Variants in TMEM132C observed in about 807,000 individuals in gnomAD.
TMEM132C encodes the protein transmembrane protein 132C, also known as protein phosphatase 1, regulatory subunit 152.
TMEM132C carries 29 observed loss-of-function variants against 61.4 expected under a neutral mutation model. The ratio of observed to expected loss-of-function variants is 0.47; its 90% CI spans 0.35 to 0.64. The LOEUF is 0.64. Among genes scored for constraint, TMEM132C ranks in the 30% least tolerant of loss-of-function variants. TMEM132C has a pLI of 0.00. For synonymous variants in TMEM132C, 656 were observed against 633.1 expected, an observed-to-expected ratio of 1.04 and a Z score of -0.54; for missense variants, 1,408 against 1,476.9, an observed-to-expected ratio of 0.95 and a Z score of 0.76.
intron 3 of TMEM132C, among the ~76,000 whole-genome samples, chr12:128,585,417 A>G (rs750538384): frequency 2.5e-4 from 38 of 152,234 alleles, no homozygotes; most frequent in Non-Finnish European, 8.8e-5. Context: ...CCCAAAGGCT[A>G]AGACCCAACC....
chr12:128,330,086 T>G (rs1298468814), intron 1 of TMEM132C, among the ~76,000 whole-genome samples: 1 of 152,176 alleles, frequency 6.6e-6, no homozygotes, highest in African/African-American at 2.4e-5. Context: ...ATCAGGGGTC[T>G]GATGAAGCCA....
At chr12:128,404,562 T>C (rs1360470142) in intron 1 of TMEM132C, 1 of 152,250 alleles carries the variant, frequency 6.6e-6, no homozygotes, top group Non-Finnish European at 1.5e-5. Context: ...GGCATCACGT[T>C]AGTGGGAAGG....
chr12:128,622,386 T>A lies in TMEM132C; in HGVS notation c.1305+6051T>A, dbSNP rs1198101606. On this transcript the variant is annotated intron_variant, in intron 4 of 8. Transcript: ENST00000435159. ...ATATATATATATATATATATATATA[T>A]ATATATATATATATAACCAGGAAAC... Among the ~76,000 whole-genome samples, 98 of 107,466 alleles carry A rather than the reference T, an allele frequency of 9.1e-4. 4 individuals carry two copies. The highest frequency in any genetic ancestry group is 1.1e-3 in the Non-Finnish European group (61 of 55,496). 70.5% of individuals were successfully genotyped at this position (107,466 alleles called of 152,430 possible).
At chr12:128,439,118 G>T (rs749234819) in intron 2 of TMEM132C, 1 of 153,764 alleles carries the variant, frequency 6.5e-6, no homozygotes, top group Admixed American at 6.5e-5. Context: ...TCTCATAAGC[G>T]TATGGTCCAA....
intron 2 of TMEM132C, among the ~76,000 whole-genome samples, chr12:128,493,775 T>C (rs2136103049): frequency 6.6e-6 from 1 of 152,332 alleles, no homozygotes; most frequent in East Asian, 1.9e-4. Flanking sequence ...TTTCTAGGTA[T>C]ACAATCATGT....
At chr12:128,367,994 G>A (rs1873918868) in intron 1 of TMEM132C, among the ~76,000 whole-genome samples, 1 of 152,178 alleles carries the variant, frequency 6.6e-6, no homozygotes, top group Admixed American at 6.5e-5. Flanking sequence ...GGAGATGAAA[G>A]AGGTCAGATA....
At position 128,343,294 on chromosome 12, in the gene TMEM132C, C is replaced by T. The variant is rs903413473; in HGVS notation, c.86-71438C>T. Among the ~76,000 whole-genome samples the T allele has an allele frequency of 5.3e-5, 8 of 151,840 alleles. No homozygotes were observed. The South Asian group carries it at 6.2e-4, about 12-fold the overall frequency. On this transcript the variant is annotated intron_variant, in intron 1 of 8. Coordinates refer to ENST00000435159, the MANE Select transcript of TMEM132C (RefSeq NM_001136103.3). ...CAAAAATTAGCTGGGCATGGTAGCG[C>T]GTGGTTGTAGTCCCAGCTACTCAGG...
chr12:128,360,977 T>C (rs982774572), intron 1 of TMEM132C, among the ~76,000 whole-genome samples: 3 of 152,154 alleles, frequency 2.0e-5, no homozygotes, highest in African/African-American at 7.2e-5. Context: ...ACTCAACACA[T>C]AGGTCATGAG....
At chr12:128,493,827 T>C (rs1871840082) in intron 2 of TMEM132C, among the ~76,000 whole-genome samples, 1 of 152,188 alleles carries the variant, frequency 6.6e-6, no homozygotes, top group Admixed American at 6.5e-5. Context: ...TTTTCCTAAT[T>C]GAATACCCTT....
chr12:128,333,138 ATGTG>A (rs1411098384), intron 1 of TMEM132C, among the ~76,000 whole-genome samples: 3 of 151,082 alleles, frequency 2.0e-5, no homozygotes, highest in African/African-American at 4.9e-5. Context: ...TTTTATGTGT[ATGTG>A]TGTGCATGTA....
At chr12:128,705,054 C>A in intron 8 of TMEM132C, 36 bp from the exon 9 acceptor site, 3 of 1,480,538 alleles carry the variant, frequency 2.0e-6, no homozygotes, top group Non-Finnish European at 9.0e-7. Context: ...AAAAGGCATC[C>A]CCCAGGTGGT....
intron 1 of TMEM132C, among the ~76,000 whole-genome samples, chr12:128,282,071 A>G (rs1484225467): frequency 6.6e-6 from 1 of 152,222 alleles, no homozygotes; most frequent in Admixed American, 6.5e-5. Context: ...AACAAGCTCA[A>G]ACATTTAGAA....
In TMEM132C at chr12:128,572,108, C is replaced by G. The variant is rs562223165; in HGVS notation, c.1121+28005C>G. ...TGTCACATGCCCACTGTGGCCTCTG[C>G]TAATCTCTGGTTAGCTAGGCCTGTG... is the stretch of plus-strand genomic sequence containing the variant. On this transcript the variant is annotated intron_variant, in intron 3 of 8. Transcript: ENST00000435159. Among the ~76,000 whole-genome samples the G allele has an allele frequency of 2.0e-4, 30 of 152,000 alleles. No homozygotes were observed. In the South Asian group the frequency reaches 6.3e-3, roughly 32 times the overall value.
In TMEM132C at chr12:128,299,552, A is replaced by G. The variant is rs150526904; in HGVS notation, c.85+32065A>G. 6.6e-5 allele frequency among the ~76,000 whole-genome samples: 10 copies of G among 152,370 alleles called. No individual in the cohort carries two copies. The East Asian group carries it at 1.9e-3, about 29-fold the overall frequency. ...AGACAAGCGAGACAGTAACACACAG[A>G]GTAAAACAGAGATGTGAGAGAATAG... is the stretch of plus-strand genomic sequence containing the variant. On this transcript the variant is annotated intron_variant, in intron 1 of 8. Coordinates refer to ENST00000435159, the MANE Select transcript of TMEM132C (RefSeq NM_001136103.3).
chr12:128,463,565 C>A (rs1442743290), intron 2 of TMEM132C, among the ~76,000 whole-genome samples: 2 of 152,096 alleles, frequency 1.3e-5, no homozygotes, highest in African/African-American at 4.8e-5. Context: ...GTGATCCACC[C>A]ACCTCGGCCT....
intron 1 of TMEM132C, 114 bp downstream of exon 1, chr12:128,267,601 T>TCGGCGGGGGCA: frequency 1.2e-6 from 1 of 854,356 alleles, no homozygotes; most frequent in Non-Finnish European, 1.5e-6. Flanking sequence ...CGGCGGGGGC[T>TCGGCGGGGGCA]CGGATCCCAT....
intron 2 of TMEM132C, among the ~76,000 whole-genome samples, chr12:128,480,636 G>A (rs569848444): frequency 5.3e-5 from 8 of 152,078 alleles, no homozygotes; most frequent in South Asian, 2.2e-4. Context: ...TGTGAGGACC[G>A]CGTCAGAGCT....
chr12:128,387,973 G>T (rs554642515), intron 1 of TMEM132C, among the ~76,000 whole-genome samples: 2 of 152,188 alleles, frequency 1.3e-5, no homozygotes, highest in African/African-American at 2.4e-5. Flanking sequence ...GCCCTTCCCC[G>T]CCCTCTGGTG....
chr12:128,299,531 A>G (rs531268063), intron 1 of TMEM132C, among the ~76,000 whole-genome samples: 67 of 152,372 alleles, frequency 4.4e-4, no homozygotes, highest in African/African-American at 1.6e-3. Context: ...AACCAGAGAC[A>G]AGCGAGACAG....
Sources: gnomAD v4.1 joint callset for allele counts (sites outside exome capture counted in the v4.1 genomes callset) on GRCh38, gnomAD v4.1.1 for gene constraint, MANE v1.5 for transcripts, NCBI Gene and HGNC (gene_info 2026-07-23, HGNC 2026-07-21) for gene names.